Variants in DPP6 observed in about 807,000 individuals in gnomAD.
DPP6 encodes the protein A-type potassium channel modulatory protein DPP6.
DPP6 carries 69 observed loss-of-function variants against 122.6 expected under a neutral mutation model. The observed-to-expected ratio is 0.56, with a 90% confidence interval of 0.46 to 0.69. DPP6 has a LOEUF of 0.69. Among genes scored for constraint, DPP6 ranks in the 30% least tolerant of loss-of-function variants. DPP6 has a pLI of 0.00. For synonymous variants in DPP6, 418 were observed against 433.1 expected, an observed-to-expected ratio of 0.97 and a Z score of 0.43; for missense variants, 928 against 1,116.9, an observed-to-expected ratio of 0.83 and a Z score of 2.41.
chr7:154,511,763 T>C (rs1826109348), intron 3 of DPP6, among the ~76,000 whole-genome samples: 1 of 151,534 alleles, frequency 6.6e-6, no homozygotes, highest in South Asian at 2.1e-4. Context: ...CCTAACTTAT[T>C]TCTAGAGAAT....
At chr7:154,301,196 TC>T (rs1563437521) in intron 1 of DPP6, among the ~76,000 whole-genome samples, 1 of 152,184 alleles carries the variant, frequency 6.6e-6, no homozygotes. Context: ...ATCTGGCACT[TC>T]CACCGCTGCA....
intron 1 of DPP6, among the ~76,000 whole-genome samples, chr7:153,948,702 G>A (rs749510619): frequency 1.2e-4 from 18 of 147,754 alleles, no homozygotes; most frequent in African/African-American, 4.3e-4. Flanking sequence ...CTTAAACAAA[G>A]GTCCCACTTA....
chr7:154,262,176 T>C (rs1236584979), intron 1 of DPP6, among the ~76,000 whole-genome samples: 4 of 152,114 alleles, frequency 2.6e-5, no homozygotes, highest in Admixed American at 1.3e-4. Context: ...CAGAACTGAG[T>C]AGATGGAGAT....
chr7:154,461,203 T>A (rs1480506940), intron 2 of DPP6, among the ~76,000 whole-genome samples: 1 of 152,198 alleles, frequency 6.6e-6, no homozygotes, highest in Non-Finnish European at 1.5e-5. Flanking sequence ...TCTCATTCAT[T>A]TTTTTGTGGC....
At chr7:153,951,828 A>C (rs1482732858) in intron 1 of DPP6, among the ~76,000 whole-genome samples, 2 of 152,036 alleles carry the variant, frequency 1.3e-5, no homozygotes, top group African/African-American at 2.4e-5. Flanking sequence ...GGATCACCTG[A>C]GCTCAGGAGT....
chr7:154,170,250 C>T (rs567013028), intron 1 of DPP6, among the ~76,000 whole-genome samples: 1 of 152,310 alleles, frequency 6.6e-6, no homozygotes, highest in South Asian at 2.1e-4. Context: ...CCTAAAAAGG[C>T]CCTCTCCTTA....
At chr7:153,867,797 T>C in the DPP6 span, among the ~76,000 whole-genome samples, 1 of 152,204 alleles carries the variant, frequency 6.6e-6, no homozygotes, top group African/African-American at 2.4e-5. Context: ...TTGACATAGA[T>C]AGCTCTTATT....
intron 16 of DPP6, among the ~76,000 whole-genome samples, chr7:154,813,802 A>G (rs1324531773): frequency 6.6e-6 from 1 of 151,966 alleles, no homozygotes; most frequent in African/African-American, 2.4e-5. Flanking sequence ...GGTCTTCTCA[A>G]TGACCCTGTG....
intron 1 of DPP6, among the ~76,000 whole-genome samples, chr7:154,090,089 C>A (rs1804698704): frequency 6.6e-6 from 1 of 152,172 alleles, no homozygotes; most frequent in African/African-American, 2.4e-5. Flanking sequence ...AGCCTCAGTT[C>A]CTCAGACTCT....
intron 2 of DPP6, among the ~76,000 whole-genome samples, chr7:154,451,508 G>A (rs1271294722): frequency 3.3e-5 from 5 of 152,168 alleles, no homozygotes; most frequent in East Asian, 1.9e-4. Context: ...GTAGCCCTGC[G>A]TCTTCTCCAC....
upstream of DPP6, among the ~76,000 whole-genome samples, chr7:153,885,901 G>A (rs1392499362): frequency 5.9e-5 from 9 of 152,096 alleles, no homozygotes; most frequent in East Asian, 1.7e-3. Context: ...TGTATCATTC[G>A]TGTTTGCATG....
intron 1 of DPP6, among the ~76,000 whole-genome samples, chr7:154,311,094 G>A (rs1030320591): frequency 5.9e-5 from 9 of 152,124 alleles, no homozygotes; most frequent in Admixed American, 1.3e-4. Flanking sequence ...GGTAGGGGGT[G>A]TATCATCTTG....
intron 1 of DPP6, among the ~76,000 whole-genome samples, chr7:154,186,099 A>G (rs1467189794): frequency 6.6e-6 from 1 of 152,216 alleles, no homozygotes; most frequent in Non-Finnish European, 1.5e-5. Flanking sequence ...ATTACCCATC[A>G]GTGAAGTGAG....
intron 5 of DPP6, among the ~76,000 whole-genome samples, chr7:154,599,665 C>T (rs1476875169): frequency 6.6e-6 from 1 of 151,720 alleles, no homozygotes; most frequent in African/African-American, 2.4e-5. Flanking sequence ...TGCTATCCCT[C>T]CCCCAGCCCC....
intron 3 of DPP6, among the ~76,000 whole-genome samples, chr7:154,497,703 T>A (rs993708194): frequency 6.6e-6 from 1 of 151,954 alleles, no homozygotes; most frequent in Non-Finnish European, 1.5e-5. Context: ...AAATAAAAAA[T>A]TTTGAAAATA....
intron 17 of DPP6, among the ~76,000 whole-genome samples, chr7:154,866,589 C>T (rs1333980030): frequency 6.6e-6 from 1 of 152,220 alleles, no homozygotes; most frequent in African/African-American, 2.4e-5. Context: ...GCTGTGTTTC[C>T]TGCTGGGACA....
intron 1 of DPP6, among the ~76,000 whole-genome samples, chr7:154,313,708 T>TACGC (rs1303596309): frequency 5.9e-5 from 1 of 16,892 alleles, no homozygotes; most frequent in African/African-American, 2.1e-4. Context: ...TATATATATA[T>TACGC]ATATATACAC....
chr7:154,244,340 G>A (rs746763639), intron 1 of DPP6, among the ~76,000 whole-genome samples: 65 of 152,008 alleles, frequency 4.3e-4, no homozygotes, highest in Non-Finnish European at 3.7e-4. Flanking sequence ...TCAGATAAGT[G>A]AAAAACAATA....
chr7:153,800,760 A>G, the DPP6 span, among the ~76,000 whole-genome samples: 5 of 151,546 alleles, frequency 3.3e-5, no homozygotes, highest in East Asian at 5.8e-4. Context: ...CAAGTGATCT[A>G]CCCTCCTTGG....
Sources: gnomAD v4.1 joint callset for allele counts (sites outside exome capture counted in the v4.1 genomes callset) on GRCh38, gnomAD v4.1.1 for gene constraint, MANE v1.5 for transcripts, NCBI Gene and HGNC (gene_info 2026-07-23, HGNC 2026-07-21) for gene names.